LDLRAD4: variants seen among roughly 807,000 people sequenced by gnomAD.
LDLRAD4 encodes the protein low density lipoprotein receptor class A domain containing 4, also known as low-density lipoprotein receptor class A domain-containing protein 4.
LDLRAD4 carries 5 observed loss-of-function variants against 17.0 expected under a neutral mutation model. That is an observed-to-expected ratio of 0.29 (90% CI 0.15 to 0.62). The LOEUF is 0.62. Among genes scored for constraint, LDLRAD4 ranks in the 20% least tolerant of loss-of-function variants. The pLI is 0.84. For synonymous variants in LDLRAD4, 168 were observed against 171.8 expected, an observed-to-expected ratio of 0.98 and a Z score of 0.17; for missense variants, 340 against 424.7, an observed-to-expected ratio of 0.80 and a Z score of 1.75.
At chr18:13,254,880 C>T (rs2043419728) in intron 1 of LDLRAD4, among the ~76,000 whole-genome samples, 1 of 152,208 alleles carries the variant, frequency 6.6e-6, no homozygotes, top group Admixed American at 6.5e-5. Context: ...ATGAGAATCG[C>T]TTGAGCCCAG....
At chr18:13,286,072 C>T (rs544469861) in intron 1 of LDLRAD4, among the ~76,000 whole-genome samples, 1 of 152,212 alleles carries the variant, frequency 6.6e-6, no homozygotes. Flanking sequence ...AAACTGTGTA[C>T]CCATTAAACA....
At position 13,439,572 on chromosome 18, in the gene LDLRAD4, C is replaced by T. The variant is rs141354102; in HGVS notation, c.181+1188C>T. On this transcript the variant is annotated intron_variant, in intron 3 of 5. Coordinates refer to ENST00000359446, the Ensembl canonical transcript of LDLRAD4. ...GCGCGTGCTTGCCTGGCATTGGGTCCGTGTTTTGTGCGGTAGTCTCTGTGT... is the reference window on the plus strand; with the variant it reads ...GCGCGTGCTTGCCTGGCATTGGGTCTGTGTTTTGTGCGGTAGTCTCTGTGT... 5.9e-4 allele frequency among the ~76,000 whole-genome samples: 90 copies of T among 152,306 alleles called. 1 individual carries two copies. Among genetic ancestry groups the T allele is most frequent in the African/African-American group, 1.8e-3 (76 of 41,558 alleles).
At chr18:13,363,330 T>C (rs1215835930) in intron 1 of LDLRAD4, among the ~76,000 whole-genome samples, 18 of 18,298 alleles carry the variant, frequency 9.8e-4, no homozygotes, top group African/African-American at 3.7e-3. Flanking sequence ...AGACTCCGTC[T>C]CAAAAAAAAA....
rs562687955 is a variant in LDLRAD4 at position 13,622,976 on chromosome 18, C to T, written c.336+1705C>T. On this transcript the variant is annotated intron_variant, in intron 4 of 5. Coordinates refer to ENST00000359446, the Ensembl canonical transcript of LDLRAD4. This position sits in a 1 kb window ranked among gnomAD's most constrained non-coding sequence, Gnocchi z 5.3. Reference sequence around the variant, plus strand: ...CCCCAGTCTTCCTCCCAGACTTGCCCTGGTGTTGGCTTCTCTCTCCCTAGT... The same window carrying T: ...CCCCAGTCTTCCTCCCAGACTTGCCTTGGTGTTGGCTTCTCTCTCCCTAGT... Among the ~76,000 whole-genome samples, 8 of 152,288 alleles carry T rather than the reference C, an allele frequency of 5.3e-5. No individual in the cohort carries two copies. The East Asian group carries it at 1.5e-3, about 29-fold the overall frequency.
chr18:13,339,926 A>G (rs942240585), intron 1 of LDLRAD4, among the ~76,000 whole-genome samples: 8 of 152,132 alleles, frequency 5.3e-5, no homozygotes, highest in Non-Finnish European at 5.9e-5. Flanking sequence ...CTTCATATCC[A>G]TTAAACACTA....
exon 6 of LDLRAD4, chr18:13,651,942 G>A (rs2043263381): frequency 1.3e-5 from 2 of 152,198 alleles, no homozygotes; most frequent in African/African-American, 4.8e-5. Flanking sequence ...AATGCTGAAT[G>A]GATTAAAAAA....
intron 1 of LDLRAD4, among the ~76,000 whole-genome samples, chr18:13,334,891 T>G (rs2082031767): frequency 6.6e-6 from 1 of 152,222 alleles, no homozygotes; most frequent in Non-Finnish European, 1.5e-5. Flanking sequence ...TTTCTGAGAA[T>G]GGGTTGAATT....
intron 2 of LDLRAD4, among the ~76,000 whole-genome samples, chr18:13,417,858 T>G (rs945824989): frequency 2.0e-5 from 3 of 151,896 alleles, no homozygotes; most frequent in Non-Finnish European, 4.4e-5. Context: ...TGTGTGTGGT[T>G]TGTGTGTGTG....
intron 3 of LDLRAD4, among the ~76,000 whole-genome samples, chr18:13,554,742 T>G (rs1408053237): frequency 6.6e-6 from 1 of 152,240 alleles, no homozygotes; most frequent in African/African-American, 2.4e-5. Flanking sequence ...TTAATGATAT[T>G]TCCACTCTCA....
chr18:13,586,515 G>A (rs887823937), intron 3 of LDLRAD4, among the ~76,000 whole-genome samples: 2 of 151,458 alleles, frequency 1.3e-5, no homozygotes, highest in South Asian at 2.1e-4. Context: ...TATGACAGTC[G>A]CTGTGCCATT....
intron 3 of LDLRAD4, among the ~76,000 whole-genome samples, chr18:13,502,665 G>C (rs968995210): frequency 1.3e-5 from 2 of 152,200 alleles, no homozygotes; most frequent in Non-Finnish European, 2.9e-5. Context: ...CTCTCAGCTA[G>C]CTTGGGCCAC....
Position 13,347,092 on chromosome 18 carries a change from G to A in LDLRAD4, c.-382-40249G>A, listed in dbSNP as rs546189612. Among the ~76,000 whole-genome samples the A allele has an allele frequency of 2.5e-4, 38 of 152,276 alleles. No individual in the cohort carries two copies. In the East Asian group the frequency reaches 7.1e-3, roughly 29 times the overall value. On this transcript the variant is annotated intron_variant, in intron 1 of 5. Coordinates refer to ENST00000359446, the Ensembl canonical transcript of LDLRAD4. ...TTACATTTAAGGTTAATATTGTTATGTGTGAATTTGATCCTGTTATTATGA... is the reference window on the plus strand; with the variant it reads ...TTACATTTAAGGTTAATATTGTTATATGTGAATTTGATCCTGTTATTATGA...
chr18:13,611,333 G>A (rs948289204), intron 3 of LDLRAD4: 7 of 263,322 alleles, frequency 2.7e-5, no homozygotes, highest in African/African-American at 4.6e-5. Context: ...AGGCTATTCT[G>A]GGCTCCCGGC....
chr18:13,536,597 T>C (rs1320379088), intron 3 of LDLRAD4, among the ~76,000 whole-genome samples: 1 of 152,094 alleles, frequency 6.6e-6, no homozygotes, highest in African/African-American at 2.4e-5. Context: ...CCAGCCTGTA[T>C]GCCTTTAATG....
chr18:13,242,947 G>A (rs1414548627), intron 1 of LDLRAD4, among the ~76,000 whole-genome samples: 1 of 152,052 alleles, frequency 6.6e-6, no homozygotes, highest in East Asian at 1.9e-4. Context: ...GCTGGCAGGA[G>A]CTTTCCCGGG....
chr18:13,414,811 G>A lies in LDLRAD4; in HGVS notation c.41-23433G>A, dbSNP rs140297496. Among the ~76,000 whole-genome samples the A allele has an allele frequency of 1.2e-3, 176 of 152,314 alleles. 1 individual carries two copies. In the East Asian group the frequency reaches 0.02, roughly 17 times the overall value. On this transcript the variant is annotated intron_variant, in intron 2 of 5. Coordinates refer to ENST00000359446, the Ensembl canonical transcript of LDLRAD4. ...TTAGGGTGGCTTCATTATTTGCCAG[G>A]CAGTAAACTCCCTGATTATCAGACA...
chr18:13,546,675 G>C (rs1422581523), intron 3 of LDLRAD4, among the ~76,000 whole-genome samples: 1 of 152,136 alleles, frequency 6.6e-6, no homozygotes. Flanking sequence ...CACAAAAGTA[G>C]TCCGTGTGTG....
At chr18:13,564,948 G>A (rs2094582143) in intron 3 of LDLRAD4, 1 of 152,328 alleles carries the variant, frequency 6.6e-6, no homozygotes, top group Non-Finnish European at 1.5e-5. Context: ...GTGAGGCTCA[G>A]CCAGCAGGAA....
chr18:13,273,675 C>T (rs548949869), upstream of LDLRAD4, among the ~76,000 whole-genome samples: 529 of 152,258 alleles, frequency 3.5e-3, 2 homozygotes, highest in Non-Finnish European at 5.6e-3. Context: ...CAGAAGCCTG[C>T]GGCCAGGCTT....
Sources: allele counts gnomAD v4.1 joint callset (sites outside exome capture counted in the v4.1 genomes callset), GRCh38; gene constraint gnomAD v4.1.1; non-coding constraint Gnocchi (gnomAD v3.1); transcripts MANE v1.5; gene names NCBI Gene and HGNC (gene_info 2026-07-23, HGNC 2026-07-21).